The following ZNF385D variants were observed in gnomAD, a reference collection of about 807,000 sequenced individuals.
ZNF385D encodes the protein zinc finger protein 659.
Under a neutral mutation model 35.8 loss-of-function variants are expected in ZNF385D, and 15 were observed. The observed-to-expected ratio is 0.42, with a 90% confidence interval of 0.28 to 0.64. ZNF385D has a LOEUF of 0.64. Ranked by LOEUF, ZNF385D falls within the 30% of genes least tolerant of loss-of-function variation. The pLI is 0.23. For synonymous variants in ZNF385D, 212 were observed against 186.8 expected (o/e 1.13, Z -1.10); for missense variants, 474 against 494.6 (o/e 0.96, Z 0.39).
chr3:21,619,352 A>T (rs1188956365), intron 2 of ZNF385D, among the ~76,000 whole-genome samples: 1 of 152,058 alleles, frequency 6.6e-6, no homozygotes, highest in Non-Finnish European at 1.5e-5. Flanking sequence ...CTGATCACTA[A>T]CAAACAGTAC....
chr3:21,544,802 TTAAG>T (rs1441405015), intron 3 of ZNF385D, among the ~76,000 whole-genome samples: 1 of 152,192 alleles, frequency 6.6e-6, no homozygotes, highest in Non-Finnish European at 1.5e-5. Context: ...TTTCATAATA[TTAAG>T]TGTTTTAGAC....
At chr3:21,681,706 A>AC (rs953632197) in intron 1 of ZNF385D, among the ~76,000 whole-genome samples, 7 of 148,970 alleles carry the variant, frequency 4.7e-5, no homozygotes, top group African/African-American at 1.7e-4. Flanking sequence ...ACGAAAAAAA[A>AC]AAAACAAACA....
At chr3:21,916,774 A>G (rs1457643491) in intron 3 of ZNF385D, among the ~76,000 whole-genome samples, 2 of 152,242 alleles carry the variant, frequency 1.3e-5, no homozygotes, top group Non-Finnish European at 2.9e-5. Flanking sequence ...AACAATCAGT[A>G]CAATAAACGA....
chr3:21,785,968 A>T (rs964772973), intron 3 of ZNF385D, among the ~76,000 whole-genome samples: 1 of 152,138 alleles, frequency 6.6e-6, no homozygotes, highest in African/African-American at 2.4e-5. Context: ...AAAGCGAGAA[A>T]CAAAAGCAGG....
intron 2 of ZNF385D, among the ~76,000 whole-genome samples, chr3:22,243,997 G>A (rs956522986): frequency 2.0e-5 from 3 of 150,694 alleles, no homozygotes; most frequent in African/African-American, 7.4e-5. Flanking sequence ...TATGACAACA[G>A]TCAACCTTTC....
intron 3 of ZNF385D, among the ~76,000 whole-genome samples, chr3:22,130,634 C>A (rs1703728219): frequency 6.6e-6 from 1 of 152,178 alleles, no homozygotes; most frequent in African/African-American, 2.4e-5. Flanking sequence ...CATTTTCCTT[C>A]CCCCAAGAGC....
At position 22,153,566 on chromosome 3, in the gene ZNF385D, C is replaced by G. The variant is rs561526967; in HGVS notation, c.325+15251G>C. Among the ~76,000 whole-genome samples, 131 of 150,268 alleles carry G rather than the reference C, an allele frequency of 8.7e-4. 1 individual carries two copies. Among genetic ancestry groups the G allele is most frequent in the African/African-American group, 3.0e-3 (123 of 40,822 alleles). The stretch of plus-strand genomic sequence containing the variant: ...GCAAACTCCCCCTCCTGGGTCCAAG[C>G]AATTCTTGTGTCTCAGCCTCCTGAG... On this transcript the variant is annotated intron_variant, in intron 3 of 5. Transcript: ENST00000494108.
chr3:21,669,574 G>T (rs1356903597), intron 1 of ZNF385D, among the ~76,000 whole-genome samples: 2 of 152,150 alleles, frequency 1.3e-5, no homozygotes, highest in Non-Finnish European at 2.9e-5. Context: ...AAATTAATAT[G>T]TAAATTTAGA....
chr3:21,476,892 C>A (rs376017982), intron 4 of ZNF385D, among the ~76,000 whole-genome samples: 3 of 152,118 alleles, frequency 2.0e-5, no homozygotes, highest in African/African-American at 7.2e-5. Flanking sequence ...AGAGTCTCAT[C>A]GGTATCCATA....
At chr3:22,158,328 A>T (rs533191506) in intron 3 of ZNF385D, among the ~76,000 whole-genome samples, 1 of 152,078 alleles carries the variant, frequency 6.6e-6, no homozygotes, top group African/African-American at 2.4e-5. Flanking sequence ...CTGAAGTTCT[A>T]TTGGAAACCA....
chr3:21,758,307 C>G (rs1342868587), intron 3 of ZNF385D, among the ~76,000 whole-genome samples: 2 of 152,112 alleles, frequency 1.3e-5, no homozygotes, highest in Non-Finnish European at 2.9e-5. Flanking sequence ...GAAATGCATC[C>G]CATAGGCATG....
intron 2 of ZNF385D, among the ~76,000 whole-genome samples, chr3:21,595,728 CA>C (rs74471500): frequency 0.12 from 18,754 of 152,152 alleles, 1,245 homozygotes; most frequent in East Asian, 0.25. Context: ...AACAGAATCA[CA>C]TTTTGTCCAA....
intron 2 of ZNF385D, among the ~76,000 whole-genome samples, chr3:22,340,705 G>C (rs1232112826): frequency 2.6e-5 from 4 of 152,124 alleles, no homozygotes; most frequent in Non-Finnish European, 5.9e-5. Context: ...ACAAATACAA[G>C]TACATGATAG....
At chr3:21,524,104 A>C (rs73134916) in intron 3 of ZNF385D, among the ~76,000 whole-genome samples, 3,380 of 152,306 alleles carry the variant, frequency 0.022, 143 homozygotes, top group African/African-American at 0.077. Flanking sequence ...AGAATGGTTG[A>C]TATTCAAAGA....
chr3:22,285,582 G>A (rs1434187844), intron 2 of ZNF385D, among the ~76,000 whole-genome samples: 1 of 152,026 alleles, frequency 6.6e-6, no homozygotes, highest in African/African-American at 2.4e-5. Context: ...TGCACAACGT[G>A]CAAGTTAGTT....
At chr3:21,627,366 T>A (rs1209015235) in intron 2 of ZNF385D, among the ~76,000 whole-genome samples, 3 of 151,820 alleles carry the variant, frequency 2.0e-5, no homozygotes, top group African/African-American at 4.8e-5. Flanking sequence ...CTCTGTACTC[T>A]AAGACCTCCA....
At chr3:21,966,968 TTGTG>T (rs907275087) in intron 3 of ZNF385D, among the ~76,000 whole-genome samples, 30 of 152,320 alleles carry the variant, frequency 2.0e-4, no homozygotes, top group South Asian at 1.9e-3. Flanking sequence ...TTTATGAGTT[TTGTG>T]TGTGTTACAG....
chr3:22,344,039 A>G (rs1695540502), intron 2 of ZNF385D, among the ~76,000 whole-genome samples: 1 of 152,126 alleles, frequency 6.6e-6, no homozygotes, highest in Non-Finnish European at 1.5e-5. Flanking sequence ...ATGCCTTCCC[A>G]GAAGATAGGG....
intron 2 of ZNF385D, among the ~76,000 whole-genome samples, chr3:22,368,300 A>C (rs1049904341): frequency 4.6e-5 from 7 of 152,200 alleles, no homozygotes; most frequent in African/African-American, 1.7e-4. Context: ...ATCCCAATCT[A>C]GGCACACTAC....
Sources: gnomAD v4.1 joint callset for allele counts (sites outside exome capture counted in the v4.1 genomes callset) on GRCh38, gnomAD v4.1.1 for gene constraint, MANE v1.5 for transcripts, NCBI Gene and HGNC (gene_info 2026-07-23, HGNC 2026-07-21) for gene names.